Variants in CNTN1 observed in about 807,000 individuals in gnomAD.
CNTN1 encodes contactin 1, also known as contactin-1.
In CNTN1, 38 loss-of-function variants were observed where a neutral mutation model predicts 126.4. The observed-to-expected ratio is 0.30, with a 90% CI of 0.23 to 0.39. The LOEUF (loss-of-function observed/expected upper bound fraction) is 0.39. Among genes scored for constraint, CNTN1 ranks in the 10% least tolerant of loss-of-function variants. CNTN1 has a pLI of 1.00. For missense variants in CNTN1, 1,009 were observed against 1,248.4 expected (o/e 0.81, Z 2.89); for synonymous variants, 413 against 422.6 (o/e 0.98, Z 0.28).
At chr12:40,752,139 G>T (rs1938427783) in intron 1 of CNTN1, among the ~76,000 whole-genome samples, 1 of 151,942 alleles carries the variant, frequency 6.6e-6, no homozygotes, top group Non-Finnish European at 1.5e-5. Context: ...CTTGACAACT[G>T]TGCACTAACA....
At chr12:41,064,088 G>A (rs531125667) in intron 23 of CNTN1, among the ~76,000 whole-genome samples, 2 of 151,838 alleles carry the variant, frequency 1.3e-5, no homozygotes, top group East Asian at 3.9e-4. Context: ...GCAGGAGAAT[G>A]GCGTGAACCC....
chr12:40,956,036 A>T (rs10879418), intron 14 of CNTN1, among the ~76,000 whole-genome samples: 17,840 of 152,106 alleles, frequency 0.12, 1,095 homozygotes, highest in Non-Finnish European at 0.12. Flanking sequence ...CACACAAGAA[A>T]AGCCTCATTA....
intron 17 of CNTN1, among the ~76,000 whole-genome samples, chr12:40,994,136 G>T (rs1485876168): frequency 2.0e-5 from 3 of 152,014 alleles, no homozygotes; most frequent in Admixed American, 6.6e-5. Context: ...CCTATATATT[G>T]TAAAGAAATC....
chr12:40,991,137 A>G (rs1566100760), intron 16 of CNTN1, among the ~76,000 whole-genome samples: 1 of 152,162 alleles, frequency 6.6e-6, no homozygotes, highest in Non-Finnish European at 1.5e-5. Context: ...GCAGGGCTGC[A>G]TCCTCTCCAA....
chr12:40,745,271 C>A (rs1938132454), intron 1 of CNTN1, among the ~76,000 whole-genome samples: 1 of 152,072 alleles, frequency 6.6e-6, no homozygotes, highest in East Asian at 1.9e-4. Context: ...ATATGAGTGA[C>A]CATGGCTTAT....
chr12:40,864,287 T>C (rs1943224272), intron 1 of CNTN1, among the ~76,000 whole-genome samples: 1 of 152,028 alleles, frequency 6.6e-6, no homozygotes, highest in African/African-American at 2.4e-5. Context: ...CTCAAAGTGC[T>C]GGGATTACAG....
At chr12:40,918,915 A>G in intron 4 of CNTN1, 144 bp downstream of exon 4, 3 of 974,800 alleles carry the variant, frequency 3.1e-6, no homozygotes, top group Non-Finnish European at 4.8e-6. Flanking sequence ...AAACTATTAA[A>G]AAAGTTGCCT....
At chr12:40,920,605 A>G (rs565904619) in intron 4 of CNTN1, among the ~76,000 whole-genome samples, 1 of 152,300 alleles carries the variant, frequency 6.6e-6, no homozygotes, top group Admixed American at 6.5e-5. Flanking sequence ...ATTTCAGGAC[A>G]AATTATACTA....
intron 1 of CNTN1, among the ~76,000 whole-genome samples, chr12:40,877,135 T>A (rs915234916): frequency 6.6e-6 from 1 of 152,188 alleles, no homozygotes; most frequent in African/African-American, 2.4e-5. Context: ...ACTGTCACCA[T>A]CTGACAATTT....
chr12:40,722,997 A>G (rs1190962851), intron 1 of CNTN1, among the ~76,000 whole-genome samples: 3 of 152,058 alleles, frequency 2.0e-5, no homozygotes, highest in African/African-American at 7.2e-5. Flanking sequence ...CTCTCGCCTT[A>G]CTAGATCTGA....
At chr12:40,929,604 G>C (rs902547281) in intron 6 of CNTN1, among the ~76,000 whole-genome samples, 192 bp from the exon 7 acceptor site, 9 of 151,944 alleles carry the variant, frequency 5.9e-5, no homozygotes, top group Non-Finnish European at 1.0e-4. Flanking sequence ...TAATTGCTTA[G>C]TGTAATGCTT....
chr12:40,714,767 T>A (rs1270620981), intron 1 of CNTN1, among the ~76,000 whole-genome samples: 1 of 152,146 alleles, frequency 6.6e-6, no homozygotes, highest in Non-Finnish European at 1.5e-5. Context: ...TGGGATTTTG[T>A]ACTATCCAGT....
intron 1 of CNTN1, among the ~76,000 whole-genome samples, chr12:40,797,459 G>T (rs2136477240): frequency 6.6e-6 from 1 of 152,140 alleles, no homozygotes; most frequent in South Asian, 2.1e-4. Flanking sequence ...TGTTAGGATA[G>T]AGTGGGAGAG....
Position 40,980,328 on chromosome 12 carries a change from C to A in CNTN1, c.1805-581C>A, listed in dbSNP as rs115785432. Among the ~76,000 whole-genome samples, 657 of 151,846 alleles carry A rather than the reference C, an allele frequency of 4.3e-3. 7 individuals are homozygous for A. Among genetic ancestry groups the A allele is most frequent in the African/African-American group, 0.014 (559 of 41,370 alleles). ...GGGTGTTGTGGAGTGCTTGTAGTCC[C>A]AGCTACTTGGGCGGCTGAGCTGGGA... On this transcript the variant is annotated intron_variant, in intron 15 of 23. Coordinates refer to ENST00000551295, the MANE Select transcript of CNTN1 (RefSeq NM_001843.4).
intron 15 of CNTN1, among the ~76,000 whole-genome samples, chr12:40,963,721 T>G (rs1041053365): frequency 6.6e-6 from 1 of 152,066 alleles, no homozygotes; most frequent in Non-Finnish European, 1.5e-5. Flanking sequence ...TGATACAAAT[T>G]TCCTCTGTTG....
chr12:40,943,549 A>G, intron 12 of CNTN1, 48 bp from the exon 13 acceptor site: 1 of 1,368,628 alleles, frequency 7.3e-7, no homozygotes, highest in Non-Finnish European at 1.0e-6. Context: ...ATAATAATGT[A>G]TTTTACTAAA....
chr12:40,749,779 A>C (rs1938328634), intron 1 of CNTN1, among the ~76,000 whole-genome samples: 1 of 96,568 alleles, frequency 1.0e-5, no homozygotes, highest in Non-Finnish European at 2.4e-5. Context: ...TGAAAAGTAA[A>C]TCTATATGTC....
At chr12:41,012,468 T>A (rs1454319118) in intron 17 of CNTN1, among the ~76,000 whole-genome samples, 2 of 152,150 alleles carry the variant, frequency 1.3e-5, no homozygotes, top group African/African-American at 4.8e-5. Context: ...TTGGAGATCT[T>A]GTGGCCGATA....
intron 1 of CNTN1, among the ~76,000 whole-genome samples, chr12:40,740,936 A>G (rs910596659): frequency 2.3e-4 from 35 of 152,020 alleles, no homozygotes; most frequent in African/African-American, 8.4e-4. Context: ...AAGTCATTAT[A>G]CCTCTTTTTC....
Sources: allele counts gnomAD v4.1 joint callset (sites outside exome capture counted in the v4.1 genomes callset), GRCh38; gene constraint gnomAD v4.1.1; transcripts MANE v1.5; gene names NCBI Gene and HGNC (gene_info 2026-07-23, HGNC 2026-07-21).